Variants in DMGDH observed in about 807,000 individuals in gnomAD.
DMGDH encodes the protein dimethylglycine dehydrogenase, mitochondrial.
Under a neutral mutation model 95.2 loss-of-function variants are expected in DMGDH, and 76 were observed. The observed-to-expected ratio is 0.80, with a 90% confidence interval of 0.66 to 0.97. The LOEUF (loss-of-function observed/expected upper bound fraction) is 0.97, where lower values mean the gene tolerates loss of function less well. Among genes scored for constraint, DMGDH ranks in the 50% least tolerant of loss-of-function variants. The probability of loss-of-function intolerance (pLI) is 0.00; values close to 1 mark genes in which losing one functional copy is unlikely to be tolerated. For missense variants in DMGDH, 987 were observed against 1,055.0 expected, an observed-to-expected ratio of 0.94 and a Z score of 0.89; for synonymous variants, 345 against 377.6, an observed-to-expected ratio of 0.91 and a Z score of 1.00.
intron 2 of DMGDH, 150 bp from the exon 3 acceptor site, chr5:79,056,058 G>C: frequency 1.6e-6 from 1 of 633,654 alleles, no homozygotes. Flanking sequence ...GCACCAGTTT[G>C]AGCACACCAG....
rs1754858004 is a variant in DMGDH, at chr5:79,051,460, C to G, written c.572G>C (p.Gly191Ala). Residue 191 changes from glycine to alanine, a missense_variant, in exon 5 of 16, where the codon GGT (glycine) becomes GCT (alanine). Physicochemically the swap from Gly to Ala is moderately conservative, Grantham distance 60 (BLOSUM62 0). Transcript: ENST00000255189. ...AGTTAGAGAATAAGGATCAATGTGA[C>G]CATCTCCAGGATTATACAATCCAGC... is the stretch of plus-strand genomic sequence containing the variant. The part of the protein sequence containing the change: ...VLAGLYNPGD[G>A]HIDPYSLTMA... 6.2e-7 allele frequency: 1 copy of G among 1,614,014 alleles called. No individual in the cohort carries two copies. Among genetic ancestry groups the G allele is most frequent in the African/African-American group, 1.3e-5 (1 of 74,912 alleles).
chr5:78,998,642 G>A (rs1753400284), intron 15 of DMGDH, among the ~76,000 whole-genome samples: 1 of 152,158 alleles, frequency 6.6e-6, no homozygotes, highest in Non-Finnish European at 1.5e-5. Flanking sequence ...TTGAGGTCAG[G>A]AGTTCAAGAA....
chr5:79,058,816 T>C (rs1472580412), intron 2 of DMGDH, among the ~76,000 whole-genome samples: 1 of 152,224 alleles, frequency 6.6e-6, no homozygotes, highest in Non-Finnish European at 1.5e-5. Flanking sequence ...GAAGGAATGA[T>C]GGAGTTAGAA....
At position 79,017,453 on chromosome 5, in the gene DMGDH, G is replaced by A. The variant is rs76582653; in HGVS notation, c.2250+6818C>T. ...TAAGGAAATAAATTAAAACCATCAT[G>A]AGACATCACTACATATCTCTTAGAA... is the stretch of plus-strand genomic sequence containing the variant. On this transcript the variant is annotated intron_variant, in intron 14 of 15. Coordinates refer to ENST00000255189, the MANE Select transcript of DMGDH (RefSeq NM_013391.3). 0.011 allele frequency among the ~76,000 whole-genome samples: 1,727 copies of A among 152,218 alleles called. 60 individuals are homozygous for A. In the East Asian group the frequency reaches 0.14, roughly 12 times the overall value.
Position 79,051,268 on chromosome 5 carries a change from A to G in DMGDH, c.745+19T>C, listed in dbSNP as rs1342379906. On this transcript the variant is annotated intron_variant, in intron 5 of 15. Coordinates refer to ENST00000255189, the MANE Select transcript of DMGDH (RefSeq NM_013391.3). ...TTGGCACTTAAAAAACACTAATTTC[A>G]AAAAAATGATATGCTTACCTGCAGC... is the stretch of plus-strand genomic sequence containing the variant. The G allele has an allele frequency of 1.7e-5, 27 of 1,611,700 alleles. No individual in the cohort carries two copies. Among genetic ancestry groups the G allele is most frequent in the Non-Finnish European group, 2.1e-5 (25 of 1,177,880 alleles).
chr5:79,052,174 T>C (rs1754887444), intron 4 of DMGDH, among the ~76,000 whole-genome samples: 1 of 152,242 alleles, frequency 6.6e-6, no homozygotes, highest in South Asian at 2.1e-4. Flanking sequence ...TTGGTCATAC[T>C]GCATAATCTG....
intron 1 of DMGDH, among the ~76,000 whole-genome samples, chr5:79,065,507 C>T (rs112479448): frequency 6.6e-6 from 1 of 152,142 alleles, no homozygotes; most frequent in Non-Finnish European, 1.5e-5. Context: ...CCACCATGCC[C>T]GGCCAGAGCT....
intron 14 of DMGDH, among the ~76,000 whole-genome samples, chr5:79,018,401 C>T (rs1753783154): frequency 6.6e-6 from 1 of 151,870 alleles, no homozygotes; most frequent in Admixed American, 6.6e-5. Context: ...AGAATTAACA[C>T]ACAAAAAAAG....
chr5:79,010,349 A>G (rs918359774), intron 14 of DMGDH, among the ~76,000 whole-genome samples: 1 of 152,178 alleles, frequency 6.6e-6, no homozygotes, highest in Admixed American at 6.5e-5. Context: ...TGATATGGAG[A>G]GTCAGGGTAG....
At chr5:79,015,909 T>C (rs981270992) in intron 14 of DMGDH, among the ~76,000 whole-genome samples, 1 of 152,204 alleles carries the variant, frequency 6.6e-6, no homozygotes, top group African/African-American at 2.4e-5. Flanking sequence ...TCTCAGTAGA[T>C]GTGGAAAATC....
At chr5:79,021,766 T>C (rs1753873096) in intron 14 of DMGDH, 8 of 1,234,486 alleles carry the variant, frequency 6.5e-6, no homozygotes, top group Non-Finnish European at 8.5e-6. Flanking sequence ...AAACAATATA[T>C]GTTACCAGAG....
chr5:79,030,260 T>C lies in DMGDH; in HGVS notation c.1684-226A>G, dbSNP rs545281585. On this transcript the variant is annotated intron_variant, in intron 10 of 15. Coordinates refer to ENST00000255189, the MANE Select transcript of DMGDH (RefSeq NM_013391.3). ...TTGCCATTAAAAAGCTCTTCTTCATTTAACTGCAGAACTCAATTTTAAGTT... is the reference window on the plus strand; with the variant it reads ...TTGCCATTAAAAAGCTCTTCTTCATCTAACTGCAGAACTCAATTTTAAGTT... Among the ~76,000 whole-genome samples the C allele has an allele frequency of 2.0e-5, 3 of 152,318 alleles. No individual in the cohort carries two copies. The East Asian group carries it at 5.8e-4, about 29-fold the overall frequency.
At chr5:79,010,645 CTGTT>C (rs1351697742) in intron 14 of DMGDH, among the ~76,000 whole-genome samples, 2 of 152,170 alleles carry the variant, frequency 1.3e-5, no homozygotes, top group Admixed American at 1.3e-4. Context: ...ATCATAGCTT[CTGTT>C]TGTTTGCATT....
chr5:79,006,314 T>A (rs1172300009), intron 14 of DMGDH, among the ~76,000 whole-genome samples: 1 of 151,834 alleles, frequency 6.6e-6, no homozygotes, highest in Non-Finnish European at 1.5e-5. Context: ...GACACACAAG[T>A]GAGCAATGAC....
intron 5 of DMGDH, among the ~76,000 whole-genome samples, chr5:79,050,262 AAAAAAAAAAAAATAT>A (rs1356081354): frequency 0.031 from 2,014 of 64,736 alleles, 19 homozygotes; most frequent in Non-Finnish European, 0.049. Context: ...AAAAAAAAAA[AAAAAAAAAAAAATAT>A]ATATATATAT....
chr5:79,042,162 GTTTCTC>G (rs1469457452), intron 7 of DMGDH, 115 bp downstream of exon 7: 9 of 965,508 alleles, frequency 9.3e-6, no homozygotes, highest in Admixed American at 2.0e-5. Flanking sequence ...GTCTCTCTCT[GTTTCTC>G]TTTCTCTCTC....
At chr5:79,049,555 C>A (rs1022485210) in intron 5 of DMGDH, among the ~76,000 whole-genome samples, 1 of 152,112 alleles carries the variant, frequency 6.6e-6, no homozygotes, top group African/African-American at 2.4e-5. Flanking sequence ...TGAAAACAGT[C>A]AAATGTTTTT....
chr5:79,038,362 T>C (rs748995604), intron 7 of DMGDH, among the ~76,000 whole-genome samples: 23 of 152,098 alleles, frequency 1.5e-4, no homozygotes, highest in Non-Finnish European at 2.9e-5. Flanking sequence ...AGCGTGCTTG[T>C]AATCCCAGCT....
At chr5:79,035,465 G>A (rs1754322531) in intron 7 of DMGDH, among the ~76,000 whole-genome samples, 2 of 152,200 alleles carry the variant, frequency 1.3e-5, no homozygotes, top group African/African-American at 4.8e-5. Flanking sequence ...CAGCAGTAAA[G>A]AGTAGATTCA....
Sources: allele counts gnomAD v4.1 joint callset (sites outside exome capture counted in the v4.1 genomes callset), GRCh38; gene constraint gnomAD v4.1.1; transcripts MANE v1.5; gene names NCBI Gene and HGNC (gene_info 2026-07-23, HGNC 2026-07-21).